Variants in AK7 observed in about 807,000 individuals in gnomAD.
AK7 encodes the protein ATP-AMP transphosphorylase 7.
Under a neutral mutation model 96.6 loss-of-function variants are expected in AK7, and 78 were observed. The ratio of observed to expected loss-of-function variants is 0.81; its 90% confidence interval spans 0.67 to 0.97. AK7 has a LOEUF of 0.97. AK7 is among the 50% of genes least tolerant of loss of function. The pLI, the probability that AK7 is intolerant of heterozygous loss-of-function variation, is 0.00. For missense variants in AK7, 855 were observed against 887.9 expected, an observed-to-expected ratio of 0.96 and a Z score of 0.47; for synonymous variants, 302 against 317.2, an observed-to-expected ratio of 0.95 and a Z score of 0.51.
intron 4 of AK7, among the ~76,000 whole-genome samples, chr14:96,414,757 CTTTTTTTTTTTTT>C (rs10694621): frequency 2.0e-5 from 2 of 100,128 alleles, no homozygotes; most frequent in Non-Finnish European, 3.8e-5. Flanking sequence ...AGGATTCCTT[CTTTTTTTTTTTTT>C]TTTTTTTTTT....
At chr14:96,463,719 C>CAAA (rs35376666) in intron 12 of AK7, among the ~76,000 whole-genome samples, 5 of 83,774 alleles carry the variant, frequency 6.0e-5, no homozygotes, top group Admixed American at 2.9e-4. Flanking sequence ...TACTCTGTCT[C>CAAA]AAAAAAAAAA....
In AK7 at chr14:96,398,279, T is replaced by C. The variant is rs781276171; in HGVS notation, c.294+16T>C. On this transcript the variant is annotated intron_variant, in intron 2 of 17. Coordinates refer to ENST00000267584, the MANE Select transcript of AK7 (RefSeq NM_152327.5). Reference sequence around the variant, plus strand: ...GACGTACTCTGTAAGTCCCGGAGGCTCTGGCCAGGAGTAGACAGAGGGAAG... The same window carrying C: ...GACGTACTCTGTAAGTCCCGGAGGCCCTGGCCAGGAGTAGACAGAGGGAAG... 1.2e-4 allele frequency: 200 copies of C among 1,611,900 alleles called. 1 individual carries two copies. The highest frequency in any genetic ancestry group is 1.6e-4 in the Non-Finnish European group (185 of 1,179,710).
At chr14:96,460,489 G>A (rs1450026414) in intron 12 of AK7, among the ~76,000 whole-genome samples, 1 of 152,148 alleles carries the variant, frequency 6.6e-6, no homozygotes, top group Non-Finnish European at 1.5e-5. Flanking sequence ...GTGACAGACG[G>A]CATGCTTGCT....
Position 96,468,119 on chromosome 14 carries a change from G to A in AK7, c.1358-3359G>A, listed in dbSNP as rs574069623. Among the ~76,000 whole-genome samples, 59 of 147,398 alleles carry A rather than the reference G, an allele frequency of 4.0e-4. 1 individual carries two copies. In the South Asian group the frequency reaches 0.012, roughly 29 times the overall value. ...AAATTAGCTGGGTATGGTGGTGTGC[G>A]AGGCACTAGGATTACCTGATCCCAG... On this transcript the variant is annotated intron_variant, in intron 12 of 17. Transcript: ENST00000267584.
At chr14:96,478,254 C>G (rs17094135) in intron 14 of AK7, among the ~76,000 whole-genome samples, 3,794 of 151,984 alleles carry the variant, frequency 0.025, 152 homozygotes, top group African/African-American at 0.086. Context: ...ATAGATTGCA[C>G]AAAATACTAA....
At chr14:96,455,824 C>T (rs1045162754) in intron 10 of AK7, among the ~76,000 whole-genome samples, 4 of 152,166 alleles carry the variant, frequency 2.6e-5, no homozygotes, top group Non-Finnish European at 5.9e-5. Flanking sequence ...GACCAGGCGG[C>T]AGACGCTTTC....
chr14:96,483,582 C>T (rs116037810), intron 16 of AK7, among the ~76,000 whole-genome samples: 2,643 of 152,018 alleles, frequency 0.017, 80 homozygotes, highest in African/African-American at 0.061. Flanking sequence ...CCACCAAGCC[C>T]AGCTCATTTT....
At chr14:96,478,749 G>T (rs1484176038) in intron 15 of AK7, 87 bp downstream of exon 15, 19 of 1,326,166 alleles carry the variant, frequency 1.4e-5, no homozygotes, top group Non-Finnish European at 2.0e-5. Context: ...GGGGCTGGGG[G>T]GAGGGTGGGG....
At position 96,483,037 on chromosome 14, in the gene AK7, A is replaced by C; in HGVS notation, c.1792A>C (p.Ile598Leu). Residue 598 changes from isoleucine to leucine, a missense_variant, in exon 16 of 18, where the codon ATC (isoleucine) becomes CTC (leucine). Physicochemically the swap from Ile to Leu is conservative, Grantham distance 5 (BLOSUM62 2). Coordinates refer to ENST00000267584, the MANE Select transcript of AK7 (RefSeq NM_152327.5). ...TGAAGATGCTCAGAATAGACTTGCT[A>C]TCAAACAGCTCATCAAAGAGATTGG... The part of the protein sequence containing the change: ...KLEDAQNRLA[I>L]KQLIKEIGEP... The C allele has an allele frequency of 6.2e-7, 1 of 1,614,240 alleles. No individual in the cohort carries two copies. Among genetic ancestry groups the C allele is most frequent in the Non-Finnish European group, 8.5e-7 (1 of 1,180,038 alleles).
chr14:96,404,786 C>T lies in AK7; in HGVS notation c.324C>T (p.Arg108=). The T allele has an allele frequency of 6.2e-7, 1 of 1,609,232 alleles. No homozygotes were observed. Among genetic ancestry groups the T allele is most frequent in the Non-Finnish European group, 8.5e-7 (1 of 1,176,118 alleles). ...SAISREDLLM[R]LLECDVIIYN... is the part of the protein sequence containing the mutation. Reference sequence around the variant, plus strand: ...TCTCTCGAGAAGACCTTCTCATGCGCCTGCTGGAGTGTGATGTTATTATTT... The same window carrying T: ...TCTCTCGAGAAGACCTTCTCATGCGTCTGCTGGAGTGTGATGTTATTATTT... The change falls in exon 3 of 18, where the codon CGC becomes CGT. Residue 108 remains arginine (R), a synonymous_variant. Transcript: ENST00000267584.
intron 5 of AK7, among the ~76,000 whole-genome samples, chr14:96,433,935 C>G (rs546219500): frequency 2.6e-5 from 4 of 152,062 alleles, no homozygotes; most frequent in Non-Finnish European, 5.9e-5. Context: ...TAAATTCATC[C>G]GATGGAATTC....
At chr14:96,465,441 C>T (rs866128656) in intron 12 of AK7, among the ~76,000 whole-genome samples, 11 of 149,522 alleles carry the variant, frequency 7.4e-5, no homozygotes, top group Non-Finnish European at 7.4e-5. Context: ...CCAGCCTGGG[C>T]GACAGAGCGA....
intron 5 of AK7, among the ~76,000 whole-genome samples, chr14:96,427,160 G>A (rs751570485): frequency 5.3e-5 from 8 of 152,170 alleles, no homozygotes; most frequent in Non-Finnish European, 1.2e-4. Context: ...CAGGAGAATC[G>A]TTTGAACCTG....
At chr14:96,420,150 G>A (rs905569261) in intron 4 of AK7, among the ~76,000 whole-genome samples, 2 of 151,498 alleles carry the variant, frequency 1.3e-5, no homozygotes, top group Non-Finnish European at 2.9e-5. Context: ...ACAGGCATGA[G>A]CCACTGCGCC....
chr14:96,460,177 G>A (rs1425242524), intron 12 of AK7, among the ~76,000 whole-genome samples: 1 of 152,176 alleles, frequency 6.6e-6, no homozygotes, highest in African/African-American at 2.4e-5. Flanking sequence ...GAACTGAGAG[G>A]TCTCTAAGGG....
At chr14:96,393,433 GTTC>G (rs1426884868) in intron 1 of AK7, among the ~76,000 whole-genome samples, 1 of 152,208 alleles carries the variant, frequency 6.6e-6, no homozygotes, top group East Asian at 1.9e-4. Flanking sequence ...TTCTCTCGCA[GTTC>G]TTGAGGGCAG....
chr14:96,425,263 C>CT (rs1208336479), intron 5 of AK7, among the ~76,000 whole-genome samples: 21 of 152,322 alleles, frequency 1.4e-4, no homozygotes, highest in Non-Finnish European at 7.3e-5. Flanking sequence ...AAAGCAAACA[C>CT]AGTCTATGCA....
intron 15 of AK7, among the ~76,000 whole-genome samples, chr14:96,480,396 C>A (rs1895444589): frequency 6.6e-6 from 1 of 151,526 alleles, no homozygotes; most frequent in African/African-American, 2.4e-5. Context: ...CATGCCACTG[C>A]ACTCCAGCCT....
At chr14:96,448,045 C>T (rs1893345616) in intron 8 of AK7, among the ~76,000 whole-genome samples, 1 of 150,784 alleles carries the variant, frequency 6.6e-6, no homozygotes. Context: ...GGGAGGATCA[C>T]TTGAGCCCAG....
Sources: gnomAD v4.1 joint callset for allele counts (sites outside exome capture counted in the v4.1 genomes callset) on GRCh38, gnomAD v4.1.1 for gene constraint, MANE v1.5 for transcripts, NCBI Gene and HGNC (gene_info 2026-07-23, HGNC 2026-07-21) for gene names.